The following MBNL2 variants were observed in gnomAD, a reference collection of about 807,000 sequenced individuals.
The protein encoded by MBNL2 is muscleblind-like protein 2.
Under a neutral mutation model 41.9 loss-of-function variants are expected in MBNL2, and 17 were observed. That is an observed-to-expected ratio of 0.41 (90% confidence interval 0.28 to 0.61). The LOEUF is 0.61. Ranked by LOEUF, MBNL2 falls within the 20% of genes least tolerant of loss-of-function variation. MBNL2 has a pLI of 0.35. For synonymous variants in MBNL2, 195 were observed against 182.9 expected, an observed-to-expected ratio of 1.07 and a Z score of -0.53; for missense variants, 336 against 505.6, an observed-to-expected ratio of 0.66 and a Z score of 3.22.
chr13:97,210,901 T>G, the MBNL2 span, among the ~76,000 whole-genome samples: 2 of 152,036 alleles, frequency 1.3e-5, no homozygotes, highest in Non-Finnish European at 2.9e-5. Context: ...GTTCCTGGTG[T>G]GGGAAGGATT....
At chr13:97,303,693 G>A (rs577418459) in intron 2 of MBNL2, among the ~76,000 whole-genome samples, 2 of 152,210 alleles carry the variant, frequency 1.3e-5, no homozygotes, top group Admixed American at 6.5e-5. Context: ...CAGGGGCTCC[G>A]TCTGACGGGT....
At chr13:97,203,879 T>C in the MBNL2 span, among the ~76,000 whole-genome samples, 1 of 123,692 alleles carries the variant, frequency 8.1e-6, no homozygotes, top group East Asian at 2.3e-4. Context: ...AGTGAATGGA[T>C]GGATGGATGG....
chr13:97,235,078 G>T (rs947676296), intron 1 of MBNL2, among the ~76,000 whole-genome samples: 1 of 152,174 alleles, frequency 6.6e-6, no homozygotes, highest in Non-Finnish European at 1.5e-5. Flanking sequence ...AGGGTGAGGA[G>T]GGGTGTTGAA....
the MBNL2 span, among the ~76,000 whole-genome samples, chr13:97,151,288 T>C: frequency 1.3e-5 from 2 of 152,108 alleles, no homozygotes; most frequent in East Asian, 1.9e-4. Context: ...TAAAAGTATA[T>C]TTAAAATACA....
the MBNL2 span, among the ~76,000 whole-genome samples, chr13:97,145,957 C>CTCTTTTCTTT: frequency 0.047 from 6,825 of 143,986 alleles, 222 homozygotes; most frequent in African/African-American, 0.067. Flanking sequence ...CAGGGTTCTA[C>CTCTTTTCTTT]TCTTTTCTTT....
rs1027384290 is a variant in MBNL2, at chr13:97,346,711, A to G, written c.541-93A>G. On this transcript the variant is annotated intron_variant, in intron 4 of 8. Transcript: ENST00000679496. The surrounding 1 kb of genome is among the most constrained non-coding windows in gnomAD (Gnocchi z 4.2). ...GGTACATGAGCCACCATTGAAAGCG[A>G]GGCAGCCTCCGCTCCTCCCGCGGTG... 1.0e-6 allele frequency: 1 copy of G among 997,212 alleles called. No homozygotes were observed. Among genetic ancestry groups the G allele is most frequent in the Admixed American group, 2.5e-5 (1 of 40,770 alleles). 61.8% of individuals were successfully genotyped at this position (997,212 alleles called of 1,614,324 possible).
At chr13:97,282,629 G>A (rs974932981) in intron 2 of MBNL2, among the ~76,000 whole-genome samples, 24 of 152,272 alleles carry the variant, frequency 1.6e-4, no homozygotes, top group African/African-American at 4.8e-4. Context: ...ATAATGCAAC[G>A]GAGTACAGGC....
intron 2 of MBNL2, among the ~76,000 whole-genome samples, chr13:97,298,541 G>A (rs1043930343): frequency 6.6e-6 from 1 of 152,130 alleles, no homozygotes; most frequent in African/African-American, 2.4e-5. Context: ...ACAATAGCTG[G>A]GAAGATCTGG....
chr13:97,203,946 A>T, the MBNL2 span, among the ~76,000 whole-genome samples: 1 of 152,102 alleles, frequency 6.6e-6, no homozygotes, highest in Non-Finnish European at 1.5e-5. Context: ...GGACAGACGG[A>T]TGGATGGACA....
chr13:97,314,414 A>G (rs1380183721), intron 2 of MBNL2, among the ~76,000 whole-genome samples: 1 of 152,070 alleles, frequency 6.6e-6, no homozygotes, highest in African/African-American at 2.4e-5. Context: ...TATTCACTAC[A>G]TGTTGTATTT....
At chr13:97,159,668 C>T in the MBNL2 span, among the ~76,000 whole-genome samples, 20 of 149,454 alleles carry the variant, frequency 1.3e-4, no homozygotes, top group Non-Finnish European at 1.6e-4. Flanking sequence ...CTTAGTTTGG[C>T]TGGATATGAA....
At chr13:97,353,939 T>G (rs1288893269) in intron 5 of MBNL2, among the ~76,000 whole-genome samples, 1 of 151,868 alleles carries the variant, frequency 6.6e-6, no homozygotes, top group Admixed American at 6.6e-5. Context: ...ATCATTGTTG[T>G]CAGTGTTTTC....
intron 7 of MBNL2, among the ~76,000 whole-genome samples, chr13:97,360,654 GA>G (rs1333676270): frequency 6.6e-6 from 1 of 152,220 alleles, no homozygotes; most frequent in Non-Finnish European, 1.5e-5. Context: ...TTTGCAGATG[GA>G]AAAACTGAGG....
intron 2 of MBNL2, among the ~76,000 whole-genome samples, chr13:97,315,449 G>T (rs1387792591): frequency 6.6e-6 from 1 of 152,176 alleles, no homozygotes; most frequent in Non-Finnish European, 1.5e-5. Flanking sequence ...TTACAAGATA[G>T]GCCCAAGATG....
chr13:97,300,206 A>G (rs1369290676), intron 2 of MBNL2, among the ~76,000 whole-genome samples: 3 of 152,218 alleles, frequency 2.0e-5, no homozygotes, highest in Non-Finnish European at 4.4e-5. Context: ...TTTGTCCAAC[A>G]GCCATCTCTT....
intron 2 of MBNL2, among the ~76,000 whole-genome samples, chr13:97,285,936 T>G (rs574124351): frequency 6.6e-6 from 1 of 152,280 alleles, no homozygotes; most frequent in African/African-American, 2.4e-5. Context: ...TTGAACATCT[T>G]CTCTACACAT....
intron 8 of MBNL2, among the ~76,000 whole-genome samples, chr13:97,368,543 C>G (rs1243350813): frequency 2.0e-5 from 3 of 151,934 alleles, no homozygotes; most frequent in African/African-American, 7.3e-5. Flanking sequence ...GGAAAAGAAG[C>G]CAAGATAAAG....
the MBNL2 span, among the ~76,000 whole-genome samples, chr13:97,194,481 C>A: frequency 6.6e-6 from 1 of 152,210 alleles, no homozygotes. Flanking sequence ...ACAAACATCT[C>A]TTTGTATAAT....
At chr13:97,273,735 T>C (rs1439326605) in intron 1 of MBNL2, among the ~76,000 whole-genome samples, 2 of 152,172 alleles carry the variant, frequency 1.3e-5, no homozygotes, top group African/African-American at 4.8e-5. Flanking sequence ...TTCTCCCTTA[T>C]AAGGGACCCA....
Sources: gnomAD v4.1 joint callset for allele counts (sites outside exome capture counted in the v4.1 genomes callset) on GRCh38, gnomAD v4.1.1 for gene constraint, Gnocchi (gnomAD v3.1) non-coding constraint, MANE v1.5 for transcripts, NCBI Gene and HGNC (gene_info 2026-07-23, HGNC 2026-07-21) for gene names.